MEGF10: variants seen among roughly 807,000 people sequenced by gnomAD.
MEGF10 encodes multiple EGF like domains 10, also known as multiple epidermal growth factor-like domains protein 10.
Under a neutral mutation model 147.5 loss-of-function variants are expected in MEGF10, and 86 were observed. That is an observed-to-expected ratio of 0.58 (90% confidence interval 0.49 to 0.70). The LOEUF (loss-of-function observed/expected upper bound fraction) is 0.70. MEGF10 is among the 30% of genes least tolerant of loss of function. The probability of loss-of-function intolerance (pLI) is 0.00; values close to 1 mark genes in which losing one functional copy is unlikely to be tolerated. For missense variants in MEGF10, 1,329 were observed against 1,487.3 expected (o/e 0.89, Z 1.75); for synonymous variants, 478 against 525.5 (o/e 0.91, Z 1.24).
the MEGF10 span, among the ~76,000 whole-genome samples, chr5:127,274,685 T>C: frequency 6.6e-6 from 1 of 152,108 alleles, no homozygotes; most frequent in Non-Finnish European, 1.5e-5. Flanking sequence ...CAAGCAAGGG[T>C]TTTAAAAGTA....
chr5:127,283,745 A>G, the MEGF10 span, among the ~76,000 whole-genome samples: 2 of 152,240 alleles, frequency 1.3e-5, no homozygotes, highest in African/African-American at 2.4e-5. Flanking sequence ...TTAAAGTTCG[A>G]GAAGCATCAT....
Position 127,455,472 on chromosome 5 carries a change from A to G in MEGF10, c.3097A>G (p.Ile1033Val), listed in dbSNP as rs1766322933. The G allele has an allele frequency of 2.5e-6, 4 of 1,613,992 alleles. No homozygotes were observed. Among genetic ancestry groups the G allele is most frequent in the African/African-American group, 1.3e-5 (1 of 74,918 alleles). The change falls in exon 24 of 25, where the codon ATT becomes GTT. Residue 1033 changes from isoleucine (I) to valine (V), a missense_variant. Around this residue, in one of 3 missense-constraint regions of MEGF10, gnomAD observed 343 missense variants for 377.9 expected, o/e 0.91. Coordinates refer to ENST00000503335, the MANE Select transcript of MEGF10 (RefSeq NM_001256545.2). ...CAGTTCTGAGAACCCATATGCCACT[A>G]TTAAAGACCCACCTGTACTTATCCC... Reference protein sequence around the residue: ...LSSSENPYATIKDPPVLIPKS... With the variant: ...LSSSENPYATVKDPPVLIPKS...
chr5:127,265,517 C>T, the MEGF10 span, among the ~76,000 whole-genome samples: 5 of 152,150 alleles, frequency 3.3e-5, no homozygotes, highest in African/African-American at 1.2e-4. Context: ...AATGGTTGAA[C>T]TAGTATGCAG....
intron 1 of MEGF10, among the ~76,000 whole-genome samples, chr5:127,297,914 G>A (rs1164450621): frequency 1.3e-5 from 2 of 152,082 alleles, no homozygotes; most frequent in East Asian, 1.9e-4. Flanking sequence ...GGATTCTTGG[G>A]GCTAGAGACG....
intron 4 of MEGF10, among the ~76,000 whole-genome samples, chr5:127,358,391 G>T (rs187940130): frequency 1.3e-5 from 2 of 152,180 alleles, no homozygotes; most frequent in Non-Finnish European, 2.9e-5. Context: ...ATTCATATGT[G>T]ATTCAGATGT....
the MEGF10 span, among the ~76,000 whole-genome samples, chr5:127,267,327 T>C: frequency 7.2e-5 from 11 of 152,346 alleles, no homozygotes; most frequent in African/African-American, 2.6e-4. Flanking sequence ...ATTTTGCCAG[T>C]ATTTTATTGA....
intron 5 of MEGF10, 74 bp downstream of exon 5, chr5:127,370,076 G>T: frequency 1.8e-6 from 2 of 1,121,130 alleles, no homozygotes; most frequent in South Asian, 2.7e-5. Flanking sequence ...AGATGACCCT[G>T]AGCCATGCTT....
intron 4 of MEGF10, among the ~76,000 whole-genome samples, chr5:127,363,564 G>A (rs534504784): frequency 5.9e-5 from 9 of 152,298 alleles, no homozygotes; most frequent in African/African-American, 1.9e-4. Flanking sequence ...TCTAGAAAGA[G>A]GGACAATAAA....
the MEGF10 span, among the ~76,000 whole-genome samples, chr5:127,284,697 CCTT>C: frequency 0.39 from 58,458 of 151,772 alleles, 11,718 homozygotes; most frequent in Middle Eastern, 0.53. Context: ...AAAATGATAA[CCTT>C]CTGCCATACT....
intron 18 of MEGF10, among the ~76,000 whole-genome samples, chr5:127,442,668 A>T (rs1489344209): frequency 6.6e-6 from 1 of 152,212 alleles, no homozygotes; most frequent in Admixed American, 6.5e-5. Flanking sequence ...GACTTGTATC[A>T]AATTGCCCTT....
intron 18 of MEGF10, among the ~76,000 whole-genome samples, chr5:127,442,207 T>G (rs1765780170): frequency 6.6e-6 from 1 of 152,226 alleles, no homozygotes; most frequent in Non-Finnish European, 1.5e-5. Context: ...AAAGTGTCCC[T>G]ATTTTTGGAG....
chr5:127,247,338 GAA>G, the MEGF10 span, among the ~76,000 whole-genome samples: 4 of 2,570 alleles, frequency 1.6e-3, 1 homozygote, highest in East Asian at 0.049. Context: ...AGAAGAAGAA[GAA>G]GAAGAAGAAG....
intron 2 of MEGF10, among the ~76,000 whole-genome samples, chr5:127,338,279 G>A (rs2126796243): frequency 6.6e-6 from 1 of 152,172 alleles, no homozygotes; most frequent in South Asian, 2.1e-4. Flanking sequence ...TAAATTGTTT[G>A]GAGAAGATTA....
chr5:127,428,159 T>C (rs932947138), intron 13 of MEGF10, among the ~76,000 whole-genome samples: 63 of 150,096 alleles, frequency 4.2e-4, no homozygotes, highest in Non-Finnish European at 9.2e-4. Context: ...TTTTTTTTTT[T>C]TTTTTGTCTT....
At chr5:127,324,199 G>C (rs1287843458) in intron 1 of MEGF10, among the ~76,000 whole-genome samples, 1 of 101,616 alleles carries the variant, frequency 9.8e-6, no homozygotes, top group Non-Finnish European at 2.3e-5. Flanking sequence ...CGCTAAGAGG[G>C]CTTTTATTTT....
rs1213119107 is a variant in MEGF10 at position 127,455,388 on chromosome 5, T to C, written c.3026-13T>C. On this transcript the variant is annotated splice_polypyrimidine_tract_variant and intron_variant, in intron 23 of 24. Transcript: ENST00000503335. ...ACACAGCATTAGCTTTCTCTTCTCA[T>C]TTCTCTTCACAGACCTGGGAAAGAA... The C allele has an allele frequency of 6.2e-7, 1 of 1,610,106 alleles. No homozygotes were observed. Among genetic ancestry groups the C allele is most frequent in the African/African-American group, 1.3e-5 (1 of 74,752 alleles).
At chr5:127,419,931 G>A in intron 11 of MEGF10, 113 bp from the exon 12 acceptor site, 2 of 1,243,564 alleles carry the variant, frequency 1.6e-6, no homozygotes, top group Non-Finnish European at 2.2e-6. Flanking sequence ...TGCTGCTGTG[G>A]CTGGGGCTTG....
intron 12 of MEGF10, 93 bp downstream of exon 12, chr5:127,420,300 G>T (rs999675420): frequency 2.0e-5 from 28 of 1,429,880 alleles, no homozygotes; most frequent in Middle Eastern, 3.6e-4. Context: ...ACTTCAAGTG[G>T]CTCACTGTGA....
At chr5:127,410,781 T>C (rs531333309) in intron 9 of MEGF10, among the ~76,000 whole-genome samples, 180 bp downstream of exon 9, 1 of 152,370 alleles carries the variant, frequency 6.6e-6, no homozygotes, top group South Asian at 2.1e-4. Context: ...TGTGATGGTC[T>C]ACATTTGAGG....
Sources: allele counts gnomAD v4.1 joint callset (sites outside exome capture counted in the v4.1 genomes callset), GRCh38; gene constraint gnomAD v4.1.1; regional missense constraint gnomAD v4.1.1; transcripts MANE v1.5; gene names NCBI Gene and HGNC (gene_info 2026-07-23, HGNC 2026-07-21).